Variants in LHFPL2 observed in about 807,000 individuals in gnomAD.
LHFPL2 encodes the protein LHFPL tetraspan subfamily member 2 protein.
In LHFPL2, 7 loss-of-function variants were observed where a neutral mutation model predicts 17.5. The observed-to-expected ratio is 0.40, with a 90% CI of 0.23 to 0.75. The LOEUF (loss-of-function observed/expected upper bound fraction) is 0.75, where lower values mean the gene tolerates loss of function less well. Ranked by LOEUF, LHFPL2 falls within the 30% of genes least tolerant of loss-of-function variation. The probability of loss-of-function intolerance (pLI) is 0.37; values close to 1 mark genes in which losing one functional copy is unlikely to be tolerated. For missense variants in LHFPL2, 241 were observed against 294.8 expected (o/e 0.82, Z 1.34); for synonymous variants, 134 against 116.2 (o/e 1.15, Z -0.99).
intron 2 of LHFPL2, chr5:78,624,798 CTTTTCTTTTTTTTT>C (rs1744971765): frequency 1.3e-5 from 2 of 150,590 alleles, no homozygotes; most frequent in Non-Finnish European, 3.0e-5. Flanking sequence ...TCCTGGTTTT[CTTTTCTTTTTTTTT>C]TTTTCTTTTT....
In LHFPL2 at chr5:78,486,140, AAT is replaced by A. The variant is rs762743060; in HGVS notation, c.*2755_*2756del. ...AAAAAAAGACTATGGCACTTTACAG[AAT>A]ATATGTTTAACAAAGATCATTACAC... is the stretch of plus-strand genomic sequence containing the variant. On this transcript the variant is annotated 3_prime_UTR_variant, in exon 5 of 5. Transcript: ENST00000380345. 4 of 152,772 alleles carry A rather than the reference AAT, an allele frequency of 2.6e-5. No individual in the cohort carries two copies. The East Asian group carries it at 5.8e-4, about 22-fold the overall frequency. 9.5% of individuals were successfully genotyped at this position (152,772 alleles called of 1,614,324 possible). A position where few individuals can be genotyped will look rare whatever the true frequency, so the allele number is the denominator to read the frequency against.
At chr5:78,632,591 G>T (rs1342860208) in intron 1 of LHFPL2, among the ~76,000 whole-genome samples, 2 of 152,168 alleles carry the variant, frequency 1.3e-5, no homozygotes, top group African/African-American at 4.8e-5. Context: ...TAACCTACCT[G>T]TGCTTCAGTT....
At chr5:78,586,998 G>T (rs1743434785) in intron 2 of LHFPL2, among the ~76,000 whole-genome samples, 1 of 152,306 alleles carries the variant, frequency 6.6e-6, no homozygotes, top group East Asian at 1.9e-4. Context: ...CTCAGCAGCT[G>T]CTGCTTCAGT....
At chr5:78,636,320 T>G (rs1010148995) in intron 1 of LHFPL2, among the ~76,000 whole-genome samples, 3 of 152,230 alleles carry the variant, frequency 2.0e-5, no homozygotes, top group Non-Finnish European at 4.4e-5. Flanking sequence ...GGGAAACACT[T>G]CACCCAATTT....
At chr5:78,580,618 CTTGT>C (rs71613972) in intron 2 of LHFPL2, among the ~76,000 whole-genome samples, 54,513 of 149,104 alleles carry the variant, frequency 0.37, 10,306 homozygotes, top group Middle Eastern at 0.46. Context: ...TTCCCCATTG[CTTGT>C]TTTTCTCAGG....
At chr5:78,615,272 C>G (rs985941373) in intron 2 of LHFPL2, among the ~76,000 whole-genome samples, 1 of 151,904 alleles carries the variant, frequency 6.6e-6, no homozygotes, top group Non-Finnish European at 1.5e-5. Flanking sequence ...TCACGGTAAA[C>G]AGAAGACGAA....
chr5:78,513,552 T>A (rs144208049), intron 3 of LHFPL2, among the ~76,000 whole-genome samples: 1 of 152,306 alleles, frequency 6.6e-6, no homozygotes, highest in Non-Finnish European at 1.5e-5. Context: ...CTGGGGGTGG[T>A]GATATGGTTT....
intron 3 of LHFPL2, among the ~76,000 whole-genome samples, chr5:78,521,380 T>C (rs1755453380): frequency 6.6e-6 from 1 of 152,212 alleles, no homozygotes; most frequent in South Asian, 2.1e-4. Context: ...AATGTCTTGT[T>C]TTGTTATCAA....
intron 2 of LHFPL2, among the ~76,000 whole-genome samples, chr5:78,586,772 G>T (rs1224270348): frequency 6.6e-6 from 1 of 152,072 alleles, no homozygotes; most frequent in East Asian, 1.9e-4. Flanking sequence ...TTCAACTTTG[G>T]CTCCTTTGTT....
chr5:78,579,593 T>C (rs1205798153), intron 2 of LHFPL2, among the ~76,000 whole-genome samples: 1 of 151,618 alleles, frequency 6.6e-6, no homozygotes, highest in Non-Finnish European at 1.5e-5. Flanking sequence ...ATATGCGGTG[T>C]TTGGTTTTTT....
intron 4 of LHFPL2, among the ~76,000 whole-genome samples, chr5:78,492,927 T>TG (rs1754494419): frequency 2.6e-5 from 4 of 152,154 alleles, no homozygotes; most frequent in Non-Finnish European, 5.9e-5. Flanking sequence ...CACTGTCCAC[T>TG]CTGCCCTGAC....
At chr5:78,548,275 C>T (rs1407468289) in intron 3 of LHFPL2, among the ~76,000 whole-genome samples, 1 of 152,236 alleles carries the variant, frequency 6.6e-6, no homozygotes, top group Non-Finnish European at 1.5e-5. Context: ...GAGCTCCACC[C>T]GGCCTTGGGG....
At chr5:78,621,132 T>G (rs1395271408) in intron 2 of LHFPL2, among the ~76,000 whole-genome samples, 1 of 152,046 alleles carries the variant, frequency 6.6e-6, no homozygotes, top group African/African-American at 2.4e-5. Flanking sequence ...TAATTTAGAA[T>G]CCCCAATCTC....
At chr5:78,591,622 C>A (rs553295986) in intron 2 of LHFPL2, among the ~76,000 whole-genome samples, 37 of 152,178 alleles carry the variant, frequency 2.4e-4, no homozygotes, top group Non-Finnish European at 3.8e-4. Flanking sequence ...GTCCTGTAAT[C>A]CTTGACATTG....
chr5:78,524,276 C>T (rs1415480055), intron 3 of LHFPL2, among the ~76,000 whole-genome samples: 1 of 152,150 alleles, frequency 6.6e-6, no homozygotes, highest in Admixed American at 6.5e-5. Flanking sequence ...CTCATGGGAC[C>T]CAATAAGCCC....
At chr5:78,609,280 G>A (rs1047977270) in intron 2 of LHFPL2, among the ~76,000 whole-genome samples, 2 of 151,680 alleles carry the variant, frequency 1.3e-5, no homozygotes, top group African/African-American at 4.8e-5. Context: ...GTGAAACCCT[G>A]TCCCTACTAA....
intron 2 of LHFPL2, among the ~76,000 whole-genome samples, chr5:78,606,028 C>G (rs1744201574): frequency 6.6e-6 from 1 of 152,190 alleles, no homozygotes; most frequent in Non-Finnish European, 1.5e-5. Context: ...CAGGTGTCAC[C>G]TACAAAAATT....
At chr5:78,495,735 G>A (rs1754584878) in intron 4 of LHFPL2, among the ~76,000 whole-genome samples, 1 of 152,190 alleles carries the variant, frequency 6.6e-6, no homozygotes, top group African/African-American at 2.4e-5. Flanking sequence ...ACAATTGACA[G>A]CAGATGTAAA....
At chr5:78,590,037 T>C (rs988218466) in intron 2 of LHFPL2, 2 of 152,224 alleles carry the variant, frequency 1.3e-5, no homozygotes, top group Non-Finnish European at 2.9e-5. Context: ...TAATTAGATA[T>C]CCATATAACT....
Sources: gnomAD v4.1 joint callset for allele counts (sites outside exome capture counted in the v4.1 genomes callset) on GRCh38, gnomAD v4.1.1 for gene constraint, MANE v1.5 for transcripts, NCBI Gene and HGNC (gene_info 2026-07-23, HGNC 2026-07-21) for gene names.